Variants in NXPH1 observed in about 807,000 individuals in gnomAD.
NXPH1 encodes the protein neurexophilin-1.
In NXPH1, 5 loss-of-function variants were observed where a neutral mutation model predicts 23.7. The observed-to-expected ratio is 0.21, with a 90% CI of 0.11 to 0.44. NXPH1 has a LOEUF of 0.44. Among genes scored for constraint, NXPH1 ranks in the 20% least tolerant of loss-of-function variants. The pLI, the probability that NXPH1 is intolerant of heterozygous loss-of-function variation, is 0.99. For missense variants in NXPH1, 324 were observed against 321.6 expected (o/e 1.01, Z -0.06); for synonymous variants, 144 against 122.2 (o/e 1.18, Z -1.18).
chr7:8,624,100 A>G (rs1236278291), intron 2 of NXPH1, among the ~76,000 whole-genome samples: 1 of 152,150 alleles, frequency 6.6e-6, no homozygotes, highest in Non-Finnish European at 1.5e-5. Flanking sequence ...AAGCAGTGTG[A>G]GTGGAAAGGA....
chr7:8,617,398 G>A (rs527592080), intron 2 of NXPH1, among the ~76,000 whole-genome samples: 19 of 152,160 alleles, frequency 1.2e-4, no homozygotes, highest in African/African-American at 3.9e-4. Flanking sequence ...AGATTTGGAT[G>A]CAACCTAAGT....
chr7:8,539,292 C>A (rs1161325238), intron 2 of NXPH1, among the ~76,000 whole-genome samples: 2 of 151,666 alleles, frequency 1.3e-5, no homozygotes, highest in African/African-American at 4.8e-5. Context: ...TAGAAACTTG[C>A]AGAAAAACAG....
chr7:8,465,608 C>T (rs987213367), intron 2 of NXPH1, among the ~76,000 whole-genome samples: 4 of 152,198 alleles, frequency 2.6e-5, no homozygotes, highest in East Asian at 1.9e-4. Context: ...GGCATTTTCA[C>T]GGTCGCTTTC....
intron 2 of NXPH1, among the ~76,000 whole-genome samples, chr7:8,738,375 G>A (rs1442516090): frequency 6.6e-6 from 1 of 152,162 alleles, no homozygotes; most frequent in Non-Finnish European, 1.5e-5. Flanking sequence ...TAACAGTTAG[G>A]ACCCTCTGCT....
At chr7:8,743,245 A>C (rs1417940989) in intron 2 of NXPH1, among the ~76,000 whole-genome samples, 1 of 152,198 alleles carries the variant, frequency 6.6e-6, no homozygotes, top group Non-Finnish European at 1.5e-5. Flanking sequence ...AAATTTTTCA[A>C]AGCAATCTTG....
In NXPH1 at chr7:8,448,820, A is replaced by G. The variant is rs980214133; in HGVS notation, c.54+13053A>G. 2.5e-4 allele frequency among the ~76,000 whole-genome samples: 7 copies of G among 28,522 alleles called. No individual in the cohort carries two copies. In the South Asian group the frequency reaches 6.3e-3, roughly 25 times the overall value. The allele number at this position is 28,522 out of a possible 152,430, so 18.7% of individuals were successfully genotyped here. A position where few individuals can be genotyped will look rare whatever the true frequency, so the allele number is the denominator to read the frequency against. On this transcript the variant is annotated intron_variant, in intron 2 of 2. Coordinates refer to ENST00000405863, the MANE Select transcript of NXPH1 (RefSeq NM_152745.3). ...ACAGAGCAAGACTTCGTCTCGGGGA[A>G]AAAAAAAAAAAAAAAAAAAAAGGAC...
intron 2 of NXPH1, among the ~76,000 whole-genome samples, chr7:8,593,756 T>C (rs534426630): frequency 1.3e-5 from 2 of 152,190 alleles, no homozygotes; most frequent in African/African-American, 4.8e-5. Flanking sequence ...AAACTGTCGT[T>C]AACATGTAGA....
intron 2 of NXPH1, among the ~76,000 whole-genome samples, chr7:8,459,155 A>G (rs1816649190): frequency 6.6e-6 from 1 of 151,986 alleles, no homozygotes; most frequent in Admixed American, 6.6e-5. Context: ...CTGTGGTCTA[A>G]TAATTTAATG....
chr7:8,466,330 C>T (rs1816785910), intron 2 of NXPH1, among the ~76,000 whole-genome samples: 1 of 152,142 alleles, frequency 6.6e-6, no homozygotes, highest in African/African-American at 2.4e-5. Context: ...ACTAGCTAAT[C>T]AGTGATGTGC....
rs1215257150 is a variant in NXPH1 at position 8,637,238 on chromosome 7, T to TGA, written c.55-113762_55-113761dup. Among the ~76,000 whole-genome samples, 106 of 151,604 alleles carry TGA rather than the reference T, an allele frequency of 7.0e-4. 2 individuals are homozygous for TGA. The highest frequency in any genetic ancestry group is 8.5e-4 in the Admixed American group (13 of 15,210). ...CTGGGACTGACTCTTTTTTTTTTTT[T>TGA]GAGAGAGAGGGCCTGGCTTTTTAAA... On this transcript the variant is annotated intron_variant, in intron 2 of 2. Transcript: ENST00000405863.
At chr7:8,567,133 T>A (rs1818561245) in intron 2 of NXPH1, among the ~76,000 whole-genome samples, 1 of 151,906 alleles carries the variant, frequency 6.6e-6, no homozygotes, top group Non-Finnish European at 1.5e-5. Flanking sequence ...TCCCTTATAC[T>A]GTTAGTTTGC....
At chr7:8,635,976 T>A (rs1444776673) in intron 2 of NXPH1, among the ~76,000 whole-genome samples, 1 of 152,202 alleles carries the variant, frequency 6.6e-6, no homozygotes, top group Non-Finnish European at 1.5e-5. Flanking sequence ...TTAAAGGTAA[T>A]GTCTTTCACT....
intron 2 of NXPH1, among the ~76,000 whole-genome samples, chr7:8,444,920 C>T (rs1816373731): frequency 6.6e-6 from 1 of 152,154 alleles, no homozygotes; most frequent in African/African-American, 2.4e-5. Context: ...TCCTCAGAGC[C>T]CAGCCTTTTT....
chr7:8,507,775 G>A (rs1226879089), intron 2 of NXPH1, among the ~76,000 whole-genome samples: 1 of 152,120 alleles, frequency 6.6e-6, no homozygotes, highest in Non-Finnish European at 1.5e-5. Context: ...CTCCTCACAG[G>A]AGAAAATAAG....
chr7:8,456,813 T>C (rs1172278673), intron 2 of NXPH1, among the ~76,000 whole-genome samples: 1 of 152,208 alleles, frequency 6.6e-6, no homozygotes, highest in African/African-American at 2.4e-5. Context: ...ATCTATTCCA[T>C]GGGTAAAGTC....
chr7:8,539,570 C>G (rs1178992178), intron 2 of NXPH1, among the ~76,000 whole-genome samples: 1 of 151,766 alleles, frequency 6.6e-6, no homozygotes, highest in East Asian at 1.9e-4. Flanking sequence ...GGTTGCAGAA[C>G]TACAACCCTC....
intron 2 of NXPH1, among the ~76,000 whole-genome samples, chr7:8,441,123 T>C (rs1230895774): frequency 1.3e-5 from 2 of 152,090 alleles, no homozygotes; most frequent in African/African-American, 2.4e-5. Flanking sequence ...GGGCTTCAGA[T>C]CTCATTTTAA....
In NXPH1 at chr7:8,684,386, G is replaced by C. The variant is rs542619258; in HGVS notation, c.55-66622G>C. On this transcript the variant is annotated intron_variant, in intron 2 of 2. Coordinates refer to ENST00000405863, the MANE Select transcript of NXPH1 (RefSeq NM_152745.3). ...TGCGATACTTGATGTGAAAGGTTAG[G>C]TTCACTGTTCCTACTTTGTTGACTG... 1.2e-4 allele frequency among the ~76,000 whole-genome samples: 19 copies of C among 152,224 alleles called. No individual in the cohort carries two copies. In the East Asian group the frequency reaches 2.1e-3, roughly 17 times the overall value.
chr7:8,440,031 G>C (rs148127885), intron 2 of NXPH1, among the ~76,000 whole-genome samples: 75 of 152,316 alleles, frequency 4.9e-4, no homozygotes, highest in Non-Finnish European at 8.5e-4. Flanking sequence ...CTTGGAGGCA[G>C]TACTAAAAGT....
Sources: gnomAD v4.1 joint callset for allele counts (sites outside exome capture counted in the v4.1 genomes callset) on GRCh38, gnomAD v4.1.1 for gene constraint, MANE v1.5 for transcripts, NCBI Gene and HGNC (gene_info 2026-07-23, HGNC 2026-07-21) for gene names.